Variants in DNAH6 observed in about 807,000 individuals in gnomAD.
DNAH6 encodes dynein axonemal heavy chain 6, also known as axonemal beta dynein heavy chain 6.
A neutral mutation model predicts 491.4 loss-of-function variants in DNAH6; 340 were observed. That is an observed-to-expected ratio of 0.69 (90% CI 0.63 to 0.76). The LOEUF (loss-of-function observed/expected upper bound fraction) is 0.76, where lower values mean the gene tolerates loss of function less well. Among genes scored for constraint, DNAH6 ranks in the 30% least tolerant of loss-of-function variants. DNAH6 has a pLI of 0.00. For missense variants in DNAH6, 4,443 were observed against 4,972.2 expected (o/e 0.89, Z 3.20); for synonymous variants, 1,603 against 1,686.1 (o/e 0.95, Z 1.21).
chr2:84,693,567 C>A (rs1695085733), intron 45 of DNAH6, among the ~76,000 whole-genome samples: 1 of 151,810 alleles, frequency 6.6e-6, no homozygotes, highest in South Asian at 2.1e-4. Context: ...GACGGTGAAA[C>A]CCCGTCTCTA....
chr2:84,713,105 C>G lies in DNAH6; in HGVS notation c.9389C>G (p.Thr3130Ser). 1 of 1,550,386 alleles carries G rather than the reference C, an allele frequency of 6.5e-7. No homozygotes were observed. The highest frequency in any genetic ancestry group is 8.7e-7 in the Non-Finnish European group (1 of 1,146,448). ...LPVLLEELKE[T>S]LDPALEPILL... Reference sequence around the variant, plus strand: ...GTTTTAATTTCTAAGCTTAAGGAAACCTTGGATCCAGCTCTAGAACCCATT... The same window carrying G: ...GTTTTAATTTCTAAGCTTAAGGAAAGCTTGGATCCAGCTCTAGAACCCATT... Residue 3130 changes from threonine to serine, a missense_variant, in exon 57 of 77, where the codon ACC becomes AGC. Thr to Ser is a moderately conservative substitution (Grantham distance 58). This residue lies in a region of DNAH6 where 1,463 missense variants were observed against 1,656.6 expected (regional missense o/e 0.88). Transcript: ENST00000389394.
chr2:84,587,432 C>T (rs139173933), intron 15 of DNAH6, among the ~76,000 whole-genome samples: 14 of 152,314 alleles, frequency 9.2e-5, no homozygotes, highest in Non-Finnish European at 1.8e-4. Context: ...GCAAATCATG[C>T]ATTTTAAATA....
At chr2:84,541,858 A>T (rs1678283013) in intron 4 of DNAH6, among the ~76,000 whole-genome samples, 1 of 152,190 alleles carries the variant, frequency 6.6e-6, no homozygotes, top group Admixed American at 6.5e-5. Context: ...GCATCTCACT[A>T]TCCTTGAGTC....
intron 5 of DNAH6, among the ~76,000 whole-genome samples, chr2:84,545,933 A>G (rs1481442581): frequency 1.3e-5 from 2 of 152,162 alleles, no homozygotes; most frequent in East Asian, 3.8e-4. Context: ...ATACCATACA[A>G]TTCACACATC....
the DNAH6 span, among the ~76,000 whole-genome samples, chr2:84,479,588 G>A: frequency 4.6e-5 from 7 of 152,300 alleles, no homozygotes; most frequent in African/African-American, 1.7e-4. Context: ...CCAGAAAAAA[G>A]CAAGATTCCC....
At chr2:84,704,027 A>G in intron 50 of DNAH6, 40 bp from the exon 51 acceptor site, 1 of 1,462,370 alleles carries the variant, frequency 6.8e-7, no homozygotes. Context: ...TTAAAATTCA[A>G]ATAATGAGGC....
chr2:84,598,188 T>TTTCTTTCTTTCTCTCTTTCTTTTC (rs1553438141), intron 18 of DNAH6, among the ~76,000 whole-genome samples: 1 of 132,860 alleles, frequency 7.5e-6, no homozygotes, highest in Non-Finnish European at 1.6e-5. Context: ...TCTCTCTTTC[T>TTTCTTTCTTTCTCTCTTTCTTTTC]TTTCTTTCTT....
chr2:84,487,808 C>T, the DNAH6 span, among the ~76,000 whole-genome samples: 27 of 152,284 alleles, frequency 1.8e-4, no homozygotes, highest in African/African-American at 6.5e-4. Context: ...GACCTGAGGT[C>T]AGCACTTAAA....
chr2:84,709,502 A>G lies in DNAH6; in HGVS notation c.9208A>G (p.Thr3070Ala), dbSNP rs375106276. The part of the protein sequence containing the change: ...LISTENGILV[T>A]QGRRWPLMID... Reference sequence around the variant, plus strand: ...ATCAACAGAAAATGGCATTTTGGTTACTCAAGGCAGAAGATGGCCTTTGAT... The same window carrying G: ...ATCAACAGAAAATGGCATTTTGGTTGCTCAAGGCAGAAGATGGCCTTTGAT... The change falls in exon 55 of 77, where the codon ACT becomes GCT. Residue 3070 changes from threonine to alanine, a missense_variant. Physicochemically the swap from Thr to Ala is moderately conservative, Grantham distance 58. Transcript: ENST00000389394. The G allele has an allele frequency of 1.3e-5, 20 of 1,551,548 alleles. No homozygotes were observed. The East Asian group carries it at 1.7e-4, about 13-fold the overall frequency.
At chr2:84,719,042 A>T (rs1697833427) in intron 59 of DNAH6, among the ~76,000 whole-genome samples, 1 of 152,196 alleles carries the variant, frequency 6.6e-6, no homozygotes, top group Admixed American at 6.5e-5. Context: ...AGAACAAATG[A>T]TTTTCATCCA....
chr2:84,785,811 A>G, intron 67 of DNAH6, 55 bp downstream of exon 67: 1 of 1,389,110 alleles, frequency 7.2e-7, no homozygotes. Context: ...TGAAATAAAT[A>G]AATAGTAATA....
chr2:84,565,997 G>A (rs1681161682), intron 11 of DNAH6, among the ~76,000 whole-genome samples: 1 of 151,966 alleles, frequency 6.6e-6, no homozygotes, highest in Non-Finnish European at 1.5e-5. Flanking sequence ...TTACATGTGA[G>A]ATGGTTCTCT....
chr2:84,713,962 C>A (rs1354404790), intron 57 of DNAH6, among the ~76,000 whole-genome samples: 2 of 152,132 alleles, frequency 1.3e-5, no homozygotes, highest in Admixed American at 1.3e-4. Context: ...CTAGAAGAAC[C>A]CCTACTCTAG....
chr2:84,513,377 T>C (rs1675408605), upstream of DNAH6, among the ~76,000 whole-genome samples: 1 of 152,200 alleles, frequency 6.6e-6, no homozygotes, highest in Non-Finnish European at 1.5e-5. Flanking sequence ...AACTATTATT[T>C]AAAGACTGTA....
chr2:84,617,107 G>A, intron 23 of DNAH6, 125 bp downstream of exon 23: 1 of 570,184 alleles, frequency 1.8e-6, no homozygotes, highest in Non-Finnish European at 3.0e-6. Flanking sequence ...CTACGATAAT[G>A]AAAATCCAAC....
chr2:84,774,389 T>A (rs1675926277), intron 64 of DNAH6, among the ~76,000 whole-genome samples: 1 of 152,176 alleles, frequency 6.6e-6, no homozygotes, highest in African/African-American at 2.4e-5. Context: ...TGCAGCTTTA[T>A]TTCTGGGGTC....
At chr2:84,542,184 G>C (rs1207599043) in intron 4 of DNAH6, among the ~76,000 whole-genome samples, 1 of 152,174 alleles carries the variant, frequency 6.6e-6, no homozygotes, top group Non-Finnish European at 1.5e-5. Flanking sequence ...CACAGAGCAA[G>C]TTTTCCAGAC....
intron 64 of DNAH6, among the ~76,000 whole-genome samples, chr2:84,779,842 G>C (rs1481317837): frequency 2.6e-5 from 4 of 152,108 alleles, no homozygotes; most frequent in Non-Finnish European, 5.9e-5. Flanking sequence ...GTAAAGAATT[G>C]CCTTAGCAAT....
chr2:84,502,810 A>G, the DNAH6 span, among the ~76,000 whole-genome samples: 6 of 152,080 alleles, frequency 3.9e-5, no homozygotes, highest in Non-Finnish European at 8.8e-5. Context: ...TAAGTATAGC[A>G]ACTGCTGCTC....
Sources: gnomAD v4.1 joint callset for allele counts (sites outside exome capture counted in the v4.1 genomes callset) on GRCh38, gnomAD v4.1.1 for gene constraint, gnomAD v4.1.1 regional missense constraint, MANE v1.5 for transcripts, NCBI Gene and HGNC (gene_info 2026-07-23, HGNC 2026-07-21) for gene names.